Variants in ROBO2 observed in about 807,000 individuals in gnomAD.
ROBO2 encodes the protein roundabout guidance receptor 2.
A neutral mutation model predicts 160.8 loss-of-function variants in ROBO2; 53 were observed. The ratio of observed to expected loss-of-function variants is 0.33; its 90% confidence interval spans 0.26 to 0.41. The LOEUF (loss-of-function observed/expected upper bound fraction) is 0.41. Ranked by LOEUF, ROBO2 falls within the 10% of genes least tolerant of loss-of-function variation. The probability of loss-of-function intolerance (pLI) is 1.00; values close to 1 mark genes in which losing one functional copy is unlikely to be tolerated. For missense variants in ROBO2, 1,577 were observed against 1,722.4 expected, an observed-to-expected ratio of 0.92 and a Z score of 1.49; for synonymous variants, 664 against 611.7, an observed-to-expected ratio of 1.09 and a Z score of -1.26.
At chr3:77,049,415 A>C (rs541395472) in intron 1 of ROBO2, among the ~76,000 whole-genome samples, 2 of 152,344 alleles carry the variant, frequency 1.3e-5, no homozygotes, top group East Asian at 1.9e-4. Flanking sequence ...TCTATTGTCT[A>C]ATATGCATGT....
chr3:77,052,788 A>T (rs1485985387), intron 1 of ROBO2, among the ~76,000 whole-genome samples: 1 of 152,188 alleles, frequency 6.6e-6, no homozygotes, highest in African/African-American at 2.4e-5. Context: ...TCAGAATGTT[A>T]TCTAGGCAGA....
intron 8 of ROBO2, among the ~76,000 whole-genome samples, chr3:77,553,893 GTTATTC>G (rs2093016158): frequency 6.7e-5 from 2 of 29,826 alleles, no homozygotes; most frequent in South Asian, 2.1e-3. Context: ...GCTTTATCAA[GTTATTC>G]AAGTTATCCA....
At chr3:76,123,488 TG>T (rs2070836847) in intron 2 of ROBO2, among the ~76,000 whole-genome samples, 1 of 152,134 alleles carries the variant, frequency 6.6e-6, no homozygotes, top group East Asian at 1.9e-4. Flanking sequence ...AGCGACTTCA[TG>T]GGATGTTTTT....
At chr3:76,946,701 A>G (rs181061207) in intron 2 of ROBO2, among the ~76,000 whole-genome samples, 1 of 152,206 alleles carries the variant, frequency 6.6e-6, no homozygotes, top group Admixed American at 6.5e-5. Flanking sequence ...GCCTCCGAAG[A>G]TGTTGGGATT....
chr3:77,294,104 G>A (rs1339509277), intron 2 of ROBO2, among the ~76,000 whole-genome samples: 3 of 139,344 alleles, frequency 2.2e-5, no homozygotes, highest in Non-Finnish European at 4.7e-5. Flanking sequence ...ATGGTTAAAC[G>A]GGTAAGCTGA....
intron 2 of ROBO2, among the ~76,000 whole-genome samples, chr3:76,406,121 G>A (rs904031004): frequency 1.3e-4 from 19 of 151,506 alleles, no homozygotes; most frequent in African/African-American, 4.6e-4. Context: ...ATTCATATTT[G>A]TATGAATATT....
intron 2 of ROBO2, among the ~76,000 whole-genome samples, chr3:76,607,747 C>G (rs1208013815): frequency 6.6e-6 from 1 of 152,184 alleles, no homozygotes; most frequent in Non-Finnish European, 1.5e-5. Context: ...AAGACATCAC[C>G]TATCACCCAG....
At chr3:77,381,952 G>T (rs910165839) in intron 2 of ROBO2, among the ~76,000 whole-genome samples, 1 of 151,160 alleles carries the variant, frequency 6.6e-6, no homozygotes. Flanking sequence ...TTTCTGAAGA[G>T]AAATTTGAGG....
intron 2 of ROBO2, among the ~76,000 whole-genome samples, chr3:76,466,169 A>C (rs981767727): frequency 6.6e-6 from 1 of 151,886 alleles, no homozygotes; most frequent in African/African-American, 2.4e-5. Flanking sequence ...TAGAACACCA[A>C]ACTGTATACC....
chr3:75,972,756 T>C lies in ROBO2; in HGVS notation c.109+35154T>C, dbSNP rs546151850. 2.6e-5 allele frequency among the ~76,000 whole-genome samples: 4 copies of C among 151,746 alleles called. No individual in the cohort carries two copies. In the South Asian group the frequency reaches 8.3e-4, roughly 31 times the overall value. On this transcript the variant is annotated intron_variant, in intron 2 of 26. Coordinates refer to the ROBO2 transcript ENST00000487694. Reference sequence around the variant, plus strand: ...AGAAACTCAGGAGATCTCAGCAATCTCTTTTGCAACATGTCCTCTGGGTAA... The same window carrying C: ...AGAAACTCAGGAGATCTCAGCAATCCCTTTTGCAACATGTCCTCTGGGTAA...
intron 2 of ROBO2, among the ~76,000 whole-genome samples, chr3:76,385,198 T>G (rs2032884854): frequency 6.6e-6 from 1 of 152,134 alleles, no homozygotes; most frequent in Non-Finnish European, 1.5e-5. Context: ...CTTCTCCATG[T>G]TGCCCAGGCT....
At chr3:76,737,054 G>A (rs1346287575) in intron 2 of ROBO2, among the ~76,000 whole-genome samples, 1 of 152,154 alleles carries the variant, frequency 6.6e-6, no homozygotes, top group Non-Finnish European at 1.5e-5. Context: ...GCAGAGAATT[G>A]AGCTTAGTAT....
At chr3:76,801,267 C>T (rs1196568417) in intron 2 of ROBO2, among the ~76,000 whole-genome samples, 2 of 151,916 alleles carry the variant, frequency 1.3e-5, no homozygotes, top group East Asian at 3.9e-4. Flanking sequence ...TGGGAAGGGT[C>T]GTGTGGGAGT....
chr3:76,577,408 A>G (rs539632435), intron 2 of ROBO2, among the ~76,000 whole-genome samples: 151 of 152,182 alleles, frequency 9.9e-4, no homozygotes, highest in African/African-American at 3.4e-3. Flanking sequence ...TTGGAAACTA[A>G]TAAACTTTGC....
chr3:76,698,904 A>G (rs546133756), intron 2 of ROBO2, among the ~76,000 whole-genome samples: 2 of 152,270 alleles, frequency 1.3e-5, no homozygotes, highest in Admixed American at 6.5e-5. Flanking sequence ...CTAGGTTTTC[A>G]TAATTGTTTT....
chr3:77,389,937 C>T (rs768628875), intron 2 of ROBO2, among the ~76,000 whole-genome samples: 4 of 152,140 alleles, frequency 2.6e-5, no homozygotes, highest in Non-Finnish European at 5.9e-5. Flanking sequence ...TTGCCTTATA[C>T]TTGATCATGT....
chr3:76,789,826 C>T (rs549330626), intron 2 of ROBO2, among the ~76,000 whole-genome samples: 2 of 151,670 alleles, frequency 1.3e-5, no homozygotes, highest in South Asian at 4.2e-4. Flanking sequence ...GGCTCACACA[C>T]AAAAATTAAC....
intron 2 of ROBO2, among the ~76,000 whole-genome samples, chr3:75,996,171 G>A (rs555782670): frequency 1.3e-5 from 2 of 152,114 alleles, no homozygotes; most frequent in East Asian, 1.9e-4. Context: ...GAAGACAGGG[G>A]CAGAATGATA....
chr3:76,381,790 A>T (rs2076637570), intron 2 of ROBO2, among the ~76,000 whole-genome samples: 1 of 152,160 alleles, frequency 6.6e-6, no homozygotes, highest in Non-Finnish European at 1.5e-5. Flanking sequence ...CAGGTAGGAG[A>T]ATTGAGACAG....
Sources: allele counts gnomAD v4.1 joint callset (sites outside exome capture counted in the v4.1 genomes callset), GRCh38; gene constraint gnomAD v4.1.1; transcripts MANE v1.5; gene names NCBI Gene and HGNC (gene_info 2026-07-23, HGNC 2026-07-21).